Variants in SLIT2 observed in about 807,000 individuals in gnomAD.
The protein encoded by SLIT2 is slit guidance ligand 2.
A neutral mutation model predicts 185.7 loss-of-function variants in SLIT2; 41 were observed. The observed-to-expected ratio is 0.22, with a 90% CI of 0.17 to 0.29. The LOEUF is 0.29. Ranked by LOEUF, SLIT2 falls within the 10% of genes least tolerant of loss-of-function variation. The probability of loss-of-function intolerance (pLI) is 1.00; values close to 1 mark genes in which losing one functional copy is unlikely to be tolerated. For missense variants in SLIT2, 1,571 were observed against 1,909.0 expected (o/e 0.82, Z 3.30); for synonymous variants, 693 against 680.2 (o/e 1.02, Z -0.29).
At chr4:20,506,625 G>T (rs1577808343) in intron 9 of SLIT2, among the ~76,000 whole-genome samples, 2 of 152,092 alleles carry the variant, frequency 1.3e-5, no homozygotes, top group East Asian at 1.9e-4. Flanking sequence ...TGAGATGTGT[G>T]TTGGGTTTAG....
At chr4:20,438,499 A>G (rs1444202867) in intron 4 of SLIT2, among the ~76,000 whole-genome samples, 1 of 152,140 alleles carries the variant, frequency 6.6e-6, no homozygotes, top group Non-Finnish European at 1.5e-5. Context: ...ACCCACTCCC[A>G]TGATTCAATC....
chr4:20,383,338 T>C (rs1724680789), intron 4 of SLIT2, among the ~76,000 whole-genome samples: 1 of 152,180 alleles, frequency 6.6e-6, no homozygotes, highest in African/African-American at 2.4e-5. Context: ...ATAAAGGATT[T>C]GTGTTCAGAA....
chr4:20,350,710 T>G (rs1210987461), intron 4 of SLIT2, among the ~76,000 whole-genome samples: 1 of 152,186 alleles, frequency 6.6e-6, no homozygotes, highest in Non-Finnish European at 1.5e-5. Context: ...ATATTCAAAT[T>G]GCTGGGTTTG....
At chr4:20,437,064 C>T (rs752959947) in intron 4 of SLIT2, among the ~76,000 whole-genome samples, 48 of 152,184 alleles carry the variant, frequency 3.2e-4, no homozygotes, top group Non-Finnish European at 6.5e-4. Flanking sequence ...CATTTTGTCT[C>T]ATTCACTTAG....
chr4:20,592,590 T>C (rs1416146874), intron 30 of SLIT2, among the ~76,000 whole-genome samples: 1 of 152,186 alleles, frequency 6.6e-6, no homozygotes, highest in African/African-American at 2.4e-5. Flanking sequence ...ATAAAATAGC[T>C]CTTAGACAGC....
At chr4:20,542,681 A>C (rs1308292428) in intron 21 of SLIT2, 55 bp downstream of exon 21, 4 of 1,579,340 alleles carry the variant, frequency 2.5e-6, no homozygotes, top group South Asian at 2.3e-5. Context: ...TAAATGTTTC[A>C]TACACCCAGA....
intron 4 of SLIT2, among the ~76,000 whole-genome samples, chr4:20,446,483 A>G (rs1251479294): frequency 6.6e-6 from 1 of 152,254 alleles, no homozygotes; most frequent in Non-Finnish European, 1.5e-5. Context: ...AATTGTATCC[A>G]GATTTTCTAG....
chr4:20,507,945 T>G (rs2148821527), intron 9 of SLIT2, among the ~76,000 whole-genome samples: 1 of 152,154 alleles, frequency 6.6e-6, no homozygotes, highest in African/African-American at 2.4e-5. Flanking sequence ...GATTACATTT[T>G]AAGCTTAAAA....
intron 4 of SLIT2, among the ~76,000 whole-genome samples, chr4:20,315,082 ATCTT>A (rs553454763): frequency 1.8e-3 from 276 of 152,204 alleles, no homozygotes; most frequent in Non-Finnish European, 3.2e-3. Flanking sequence ...TTAGTCATCT[ATCTT>A]AGAGAGATCA....
chr4:20,517,259 G>C (rs1577835268), intron 11 of SLIT2, among the ~76,000 whole-genome samples: 1 of 152,194 alleles, frequency 6.6e-6, no homozygotes, highest in African/African-American at 2.4e-5. Context: ...ATGGGCAGAT[G>C]ATGGGCATTC....
intron 4 of SLIT2, among the ~76,000 whole-genome samples, chr4:20,372,801 A>G (rs1400560699): frequency 1.3e-5 from 2 of 152,014 alleles, no homozygotes; most frequent in Admixed American, 6.6e-5. Context: ...GTGGTATTAT[A>G]TTTGTCTCTA....
chr4:20,507,086 T>G (rs1384976049), intron 9 of SLIT2, among the ~76,000 whole-genome samples: 24 of 151,992 alleles, frequency 1.6e-4, no homozygotes, highest in Non-Finnish European at 7.4e-5. Flanking sequence ...TACATTGCAA[T>G]AACAGATGAT....
intron 4 of SLIT2, among the ~76,000 whole-genome samples, chr4:20,322,824 G>A (rs1252431596): frequency 6.6e-6 from 1 of 152,052 alleles, no homozygotes; most frequent in East Asian, 1.9e-4. Context: ...GGACTACAGA[G>A]ACTAATGGTA....
intron 4 of SLIT2, among the ~76,000 whole-genome samples, chr4:20,397,701 A>G (rs1726015386): frequency 6.6e-6 from 1 of 151,798 alleles, no homozygotes; most frequent in South Asian, 2.1e-4. Context: ...TTCCTGTTTT[A>G]ATTTTTTAAA....
At chr4:20,540,972 G>C (rs539266052) in intron 19 of SLIT2, among the ~76,000 whole-genome samples, 1 of 152,116 alleles carries the variant, frequency 6.6e-6, no homozygotes, top group Non-Finnish European at 1.5e-5. Context: ...CTATTCTCTA[G>C]AGCAAATAAG....
intron 11 of SLIT2, among the ~76,000 whole-genome samples, chr4:20,515,857 C>T (rs1300097684): frequency 6.6e-6 from 1 of 152,098 alleles, no homozygotes; most frequent in Non-Finnish European, 1.5e-5. Flanking sequence ...GCACTGTCAC[C>T]GAGGCTGGAG....
At chr4:20,479,349 T>C (rs1577742896) in intron 5 of SLIT2, among the ~76,000 whole-genome samples, 2 of 152,202 alleles carry the variant, frequency 1.3e-5, no homozygotes, top group South Asian at 4.1e-4. Context: ...AGCTATTTTA[T>C]AGAAATGTTC....
intron 5 of SLIT2, among the ~76,000 whole-genome samples, chr4:20,472,712 G>T (rs980974845): frequency 7.1e-6 from 1 of 140,214 alleles, no homozygotes; most frequent in African/African-American, 2.6e-5. Context: ...ATTGAACAGG[G>T]TCATGTTACA....
intron 4 of SLIT2, among the ~76,000 whole-genome samples, chr4:20,415,887 T>C (rs1727633844): frequency 6.6e-6 from 1 of 152,230 alleles, no homozygotes; most frequent in South Asian, 2.1e-4. Flanking sequence ...TGTTCCAGAC[T>C]GGTAGATTAT....
Sources: allele counts gnomAD v4.1 joint callset (sites outside exome capture counted in the v4.1 genomes callset), GRCh38; gene constraint gnomAD v4.1.1; transcripts MANE v1.5; gene names NCBI Gene and HGNC (gene_info 2026-07-23, HGNC 2026-07-21).